Variants in DPM1 observed in about 807,000 individuals in gnomAD.
DPM1 encodes the protein dolichol-phosphate mannosyltransferase subunit 1.
A neutral mutation model predicts 39.0 loss-of-function variants in DPM1; 27 were observed. The ratio of observed to expected loss-of-function variants is 0.69; its 90% CI spans 0.51 to 0.95. The LOEUF is 0.95. Among genes scored for constraint, DPM1 ranks in the 40% least tolerant of loss-of-function variants. The pLI, the probability that DPM1 is intolerant of heterozygous loss-of-function variation, is 0.00. For synonymous variants in DPM1, 124 were observed against 109.0 expected, an observed-to-expected ratio of 1.14 and a Z score of -0.86; for missense variants, 307 against 315.6, an observed-to-expected ratio of 0.97 and a Z score of 0.21.
intron 7 of DPM1, among the ~76,000 whole-genome samples, chr20:50,938,658 G>A (rs560341614): frequency 2.0e-5 from 3 of 150,014 alleles, no homozygotes; most frequent in South Asian, 4.2e-4. Context: ...GGGATTACAG[G>A]CGTGAGCCAC....
chr20:50,948,751 T>TTG, intron 2 of DPM1, 89 bp from the exon 3 acceptor site: 5 of 1,165,594 alleles, frequency 4.3e-6, no homozygotes, highest in Non-Finnish European at 6.5e-6. Context: ...ATACTCACTT[T>TTG]AATAGAAATA....
At position 50,945,853 on chromosome 20, in the gene DPM1, TGA is replaced by T. The variant is rs778693312; in HGVS notation, c.364_365del (p.Ser122ThrfsTer8). On this transcript the variant is annotated frameshift_variant, in exon 4 of 9. Transcript: ENST00000371588. LOFTEE classifies it high-confidence loss of function. The stretch of plus-strand genomic sequence containing the variant: ...AAAGAAACATACCACTTACATGGTG[TGA>T]GAGATCAGCATCCATAATAATGATG... ...NYIIIMDADL[S>X]HHPKFIPEFI... 2.3e-5 allele frequency: 37 copies of T among 1,613,452 alleles called. No individual in the cohort carries two copies. Among genetic ancestry groups the T allele is most frequent in the Non-Finnish European group, 3.1e-5 (37 of 1,179,520 alleles).
intron 1 of DPM1, among the ~76,000 whole-genome samples, chr20:50,957,876 C>T (rs1013668972): frequency 7.9e-5 from 12 of 152,192 alleles, no homozygotes; most frequent in Admixed American, 5.2e-4. Flanking sequence ...AGCGAAGATG[C>T]TCTTCTGCTT....
intron 1 of DPM1, among the ~76,000 whole-genome samples, chr20:50,958,067 G>A (rs1422330421): frequency 6.6e-6 from 1 of 152,230 alleles, no homozygotes; most frequent in Non-Finnish European, 1.5e-5. Flanking sequence ...TTTCAGCCTC[G>A]CTTCCAAGTA....
At chr20:50,952,250 T>C (rs1490787923) in intron 2 of DPM1, among the ~76,000 whole-genome samples, 4 of 152,354 alleles carry the variant, frequency 2.6e-5, no homozygotes, top group Admixed American at 1.3e-4. Context: ...AAAATACTTT[T>C]ATGGGAAACT....
rs755912457 is a variant in DPM1 at position 50,958,495 on chromosome 20, G to A, written c.29C>T (p.Pro10Leu). Residue 10 changes from proline (P) to leucine (L), a missense_variant, in exon 1 of 9, where the codon CCT becomes CTT. Physicochemically the swap from Pro to Leu is moderately conservative, Grantham distance 98. Around this residue, in one of 3 missense-constraint regions of DPM1, gnomAD observed 206 missense variants for 188.2 expected, o/e 1.09. Transcript: ENST00000371588. ...TTCCAGCTCCCGCCGAGACCTGCGA[G>A]GACTACGACTGACTTCCAAGGAGGC... MASLEVSRS[P>L]RRSRRELEVR... The A allele has an allele frequency of 5.6e-6, 9 of 1,613,746 alleles. No homozygotes were observed. Among genetic ancestry groups the A allele is most frequent in the South Asian group, 2.2e-5 (2 of 91,074 alleles).
At chr20:50,951,444 CA>C (rs1218018022) in intron 2 of DPM1, among the ~76,000 whole-genome samples, 1 of 152,150 alleles carries the variant, frequency 6.6e-6, no homozygotes, top group Non-Finnish European at 1.5e-5. Context: ...AAAAACGCAC[CA>C]AACTGTTGAC....
rs561078570 is a variant in DPM1, at chr20:50,936,157, A to G, written c.669T>C (p.Thr223=). ...MIVRARQLNY[T]IGEVPISFVD... ...AGCATCAGTTGCATACCTCGCCAATAGTATAATTCAACTGTCTTGCCCGAA... is the reference window on the plus strand; with the variant it reads ...AGCATCAGTTGCATACCTCGCCAATGGTATAATTCAACTGTCTTGCCCGAA... Residue 223 remains threonine, a synonymous_variant, in exon 8 of 9, where the codon ACT becomes ACC. Coordinates refer to ENST00000371588, the MANE Select transcript of DPM1 (RefSeq NM_003859.3). 16 of 1,610,736 alleles carry G rather than the reference A, an allele frequency of 9.9e-6. No individual in the cohort carries two copies. The Admixed American group carries it at 2.7e-4, about 27-fold the overall frequency.
chr20:50,941,343 TTA>T (rs1332377723), intron 6 of DPM1: 1 of 127,870 alleles, frequency 7.8e-6, no homozygotes. Flanking sequence ...TATATTCGTA[TTA>T]TATATATTCA....
intron 5 of DPM1, among the ~76,000 whole-genome samples, chr20:50,945,497 T>C (rs750395069): frequency 1.3e-5 from 2 of 152,146 alleles, no homozygotes; most frequent in African/African-American, 4.8e-5. Context: ...CATGCCATTG[T>C]GTCTGGCTAA....
chr20:50,943,480 C>T (rs1175727590), intron 5 of DPM1, among the ~76,000 whole-genome samples: 4 of 151,746 alleles, frequency 2.6e-5, no homozygotes, highest in African/African-American at 9.7e-5. Context: ...CTGCCTCAGC[C>T]TCCCAAGTAG....
chr20:50,957,058 C>T (rs999212896), intron 1 of DPM1, among the ~76,000 whole-genome samples: 9 of 150,930 alleles, frequency 6.0e-5, no homozygotes, highest in African/African-American at 2.2e-4. Flanking sequence ...AAGCCCTGAA[C>T]GAGATCGGTT....
intron 2 of DPM1, among the ~76,000 whole-genome samples, chr20:50,953,926 T>C (rs1404821519): frequency 6.6e-6 from 1 of 152,166 alleles, no homozygotes; most frequent in Non-Finnish European, 1.5e-5. Context: ...GCCTGAAAAT[T>C]TGTCAACTTT....
intron 7 of DPM1, among the ~76,000 whole-genome samples, chr20:50,937,954 T>C (rs1432661167): frequency 6.6e-6 from 1 of 152,134 alleles, no homozygotes; most frequent in Non-Finnish European, 1.5e-5. Context: ...GCTGGGATTA[T>C]AGGTGTGAGC....
chr20:50,942,266 G>C, intron 5 of DPM1, 140 bp from the exon 6 acceptor site: 2 of 759,178 alleles, frequency 2.6e-6, no homozygotes, highest in Admixed American at 2.0e-5. Flanking sequence ...CTAGCACTTT[G>C]GGAGGCCGAG....
At chr20:50,935,591 A>G (rs1356261234) in intron 8 of DPM1, among the ~76,000 whole-genome samples, 1 of 152,214 alleles carries the variant, frequency 6.6e-6, no homozygotes, top group Non-Finnish European at 1.5e-5. Context: ...TTTAGCTACA[A>G]TGGTTTAGCA....
intron 5 of DPM1, among the ~76,000 whole-genome samples, chr20:50,942,671 A>C (rs1485023619): frequency 6.6e-6 from 1 of 152,182 alleles, no homozygotes; most frequent in African/African-American, 2.4e-5. Context: ...CTTGTCTCTC[A>C]AATTAAAATA....
chr20:50,943,412 T>A (rs1986033026), intron 5 of DPM1, among the ~76,000 whole-genome samples: 1 of 147,186 alleles, frequency 6.8e-6, no homozygotes, highest in African/African-American at 2.5e-5. Context: ...CAGGGTGGAG[T>A]GCAATGGCGC....
intron 3 of DPM1, among the ~76,000 whole-genome samples, chr20:50,946,783 GA>G (rs1986311547): frequency 1.3e-5 from 2 of 152,202 alleles, no homozygotes; most frequent in Non-Finnish European, 2.9e-5. Context: ...GTTAAGAAGT[GA>G]ATATCGGCTG....
Sources: allele counts gnomAD v4.1 joint callset (sites outside exome capture counted in the v4.1 genomes callset), GRCh38; gene constraint gnomAD v4.1.1; regional missense constraint gnomAD v4.1.1; transcripts MANE v1.5; gene names NCBI Gene and HGNC (gene_info 2026-07-23, HGNC 2026-07-21).